PKN2: variants seen among roughly 807,000 people sequenced by gnomAD.
PKN2 encodes serine/threonine-protein kinase N2.
In PKN2, 38 loss-of-function variants were observed where a neutral mutation model predicts 119.1. That is an observed-to-expected ratio of 0.32 (90% CI 0.25 to 0.42). The LOEUF is 0.42. PKN2 is among the 10% of genes least tolerant of loss of function. The pLI is 1.00. For synonymous variants in PKN2, 390 were observed against 384.9 expected (o/e 1.01, Z -0.15); for missense variants, 850 against 1,165.1 (o/e 0.73, Z 3.94).
At chr1:88,809,853 G>T (rs1052573950) in intron 15 of PKN2, among the ~76,000 whole-genome samples, 1 of 152,070 alleles carries the variant, frequency 6.6e-6, no homozygotes, top group Admixed American at 6.6e-5. Context: ...GGCTTCAAGC[G>T]ATCCTCCTTG....
At chr1:88,747,726 T>C (rs977699746) in intron 2 of PKN2, among the ~76,000 whole-genome samples, 2 of 152,108 alleles carry the variant, frequency 1.3e-5, no homozygotes, top group Admixed American at 1.3e-4. Flanking sequence ...CAAACTTAGA[T>C]TGGTTTTTAC....
intron 1 of PKN2, among the ~76,000 whole-genome samples, chr1:88,694,945 G>T (rs1666476856): frequency 6.6e-6 from 1 of 152,174 alleles, no homozygotes; most frequent in Non-Finnish European, 1.5e-5. Context: ...AGAGATCACA[G>T]TGAAACCCCG....
intron 1 of PKN2, among the ~76,000 whole-genome samples, chr1:88,724,006 TAAGG>T (rs1667797771): frequency 1.3e-5 from 2 of 152,202 alleles, no homozygotes; most frequent in African/African-American, 4.8e-5. Context: ...ATTTTAGAGA[TAAGG>T]AGATAGAGAT....
chr1:88,714,594 G>A (rs973353442), intron 1 of PKN2, among the ~76,000 whole-genome samples: 1 of 152,098 alleles, frequency 6.6e-6, no homozygotes, highest in African/African-American at 2.4e-5. Flanking sequence ...TTGGTGTATA[G>A]GAATGCTTGT....
intron 2 of PKN2, among the ~76,000 whole-genome samples, chr1:88,749,166 C>G (rs1385169715): frequency 6.6e-6 from 1 of 152,056 alleles, no homozygotes; most frequent in African/African-American, 2.4e-5. Context: ...AGTGCATGCC[C>G]TAGGTACAGA....
intron 3 of PKN2, among the ~76,000 whole-genome samples, chr1:88,764,263 A>G (rs1297902790): frequency 2.6e-5 from 4 of 152,136 alleles, no homozygotes; most frequent in East Asian, 3.8e-4. Context: ...TTGCCTAGGT[A>G]TCTATTCTCC....
At chr1:88,770,837 G>C (rs1669864521) in intron 4 of PKN2, among the ~76,000 whole-genome samples, 1 of 150,300 alleles carries the variant, frequency 6.7e-6, no homozygotes, top group African/African-American at 2.4e-5. Context: ...CGCCCGCCTC[G>C]GCCCCCCAAA....
intron 15 of PKN2, 142 bp downstream of exon 15, chr1:88,807,917 G>T: frequency 1.9e-6 from 1 of 538,546 alleles, no homozygotes; most frequent in Non-Finnish European, 3.2e-6. Flanking sequence ...TTTGACATAA[G>T]GTAGACATTA....
intron 16 of PKN2, among the ~76,000 whole-genome samples, chr1:88,816,017 G>A (rs1362520946): frequency 1.3e-5 from 2 of 151,854 alleles, no homozygotes; most frequent in East Asian, 2.0e-4. Context: ...GCAGGCGCCT[G>A]TAATCCCAGC....
At chr1:88,790,495 T>A (rs1049189849) in intron 8 of PKN2, among the ~76,000 whole-genome samples, 4 of 152,194 alleles carry the variant, frequency 2.6e-5, no homozygotes, top group Non-Finnish European at 5.9e-5. Context: ...AGTTGTGTAA[T>A]TATTATTTAG....
intron 1 of PKN2, among the ~76,000 whole-genome samples, chr1:88,691,210 T>C (rs2100646495): frequency 6.6e-6 from 1 of 152,092 alleles, no homozygotes; most frequent in East Asian, 1.9e-4. Context: ...ACTATAGGTG[T>C]GAGCCATCAT....
chr1:88,713,089 A>G (rs1282796636), intron 1 of PKN2, among the ~76,000 whole-genome samples: 2 of 152,198 alleles, frequency 1.3e-5, no homozygotes, highest in African/African-American at 2.4e-5. Context: ...CCATGTCCCT[A>G]CAAAGGAAGT....
At chr1:88,760,800 A>G (rs1011558429) in intron 3 of PKN2, among the ~76,000 whole-genome samples, 3 of 151,978 alleles carry the variant, frequency 2.0e-5, no homozygotes, top group Admixed American at 1.3e-4. Context: ...TTGTTTTTTT[A>G]GGTAACATTT....
rs79519128 is a variant in PKN2, at chr1:88,696,048, T to A, written c.48+11420T>A. On this transcript the variant is annotated intron_variant, in intron 1 of 21. Transcript: ENST00000370521. Reference sequence around the variant, plus strand: ...TAGACGCAATTGATACTGCTCCAGCTTCCTGAAACTATTGTTAATTAAGCT... The same window carrying A: ...TAGACGCAATTGATACTGCTCCAGCATCCTGAAACTATTGTTAATTAAGCT... Among the ~76,000 whole-genome samples the A allele has an allele frequency of 2.0e-5, 3 of 152,338 alleles. No individual in the cohort carries two copies. In the East Asian group the frequency reaches 5.8e-4, roughly 29 times the overall value.
intron 3 of PKN2, among the ~76,000 whole-genome samples, chr1:88,766,400 A>G (rs552501550): frequency 6.6e-6 from 1 of 152,198 alleles, no homozygotes; most frequent in Non-Finnish European, 1.5e-5. Context: ...GTGTGATGTA[A>G]TGTGTTGTAA....
chr1:88,793,112 C>T (rs1307218134), intron 8 of PKN2, among the ~76,000 whole-genome samples: 2 of 152,136 alleles, frequency 1.3e-5, no homozygotes, highest in African/African-American at 4.8e-5. Flanking sequence ...TACAGTACTA[C>T]AGTTAATTTT....
chr1:88,736,970 G>C (rs926339614), intron 1 of PKN2, among the ~76,000 whole-genome samples: 9 of 152,186 alleles, frequency 5.9e-5, no homozygotes, highest in African/African-American at 2.2e-4. Context: ...GTGTCACTCT[G>C]CTCAGTGCTT....
rs1416446139 is a variant in PKN2 at position 88,834,754 on chromosome 1, T to A, written c.*1306T>A. ...AGGATCCGTCTGTGGCTTTTTATAC[T>A]CTTTTAGGGTTGTCTTTTTACAAAC... is the stretch of plus-strand genomic sequence containing the variant. On this transcript the variant is annotated 3_prime_UTR_variant, in exon 22 of 22. Coordinates refer to ENST00000370521, the MANE Select transcript of PKN2 (RefSeq NM_006256.4). 6.6e-6 allele frequency: 1 copy of A among 152,334 alleles called. No homozygotes were observed. Among genetic ancestry groups the A allele is most frequent in the East Asian group, 1.9e-4 (1 of 5,198 alleles). 9.4% of individuals were successfully genotyped at this position (152,334 alleles called of 1,614,324 possible).
intron 2 of PKN2, among the ~76,000 whole-genome samples, chr1:88,750,613 TA>T (rs1401609807): frequency 2.0e-5 from 3 of 152,202 alleles, no homozygotes; most frequent in African/African-American, 4.8e-5. Context: ...TGATAGTTTA[TA>T]GCCACCCTTT....
Sources: gnomAD v4.1 joint callset for allele counts (sites outside exome capture counted in the v4.1 genomes callset) on GRCh38, gnomAD v4.1.1 for gene constraint, MANE v1.5 for transcripts, NCBI Gene and HGNC (gene_info 2026-07-23, HGNC 2026-07-21) for gene names.